FOXJ3: variants seen among roughly 807,000 people sequenced by gnomAD.
FOXJ3 encodes forkhead box J3.
A neutral mutation model predicts 76.1 loss-of-function variants in FOXJ3; 22 were observed. The ratio of observed to expected loss-of-function variants is 0.29; its 90% confidence interval spans 0.21 to 0.41. The LOEUF is 0.41. Among genes scored for constraint, FOXJ3 ranks in the 10% least tolerant of loss-of-function variants. The probability of loss-of-function intolerance (pLI) is 1.00; values close to 1 mark genes in which losing one functional copy is unlikely to be tolerated. For missense variants in FOXJ3, 613 were observed against 762.1 expected (o/e 0.80, Z 2.30); for synonymous variants, 269 against 261.2 (o/e 1.03, Z -0.29).
At chr1:42,317,980 T>G (rs1655221308) in intron 1 of FOXJ3, among the ~76,000 whole-genome samples, 1 of 152,232 alleles carries the variant, frequency 6.6e-6, no homozygotes, top group African/African-American at 2.4e-5. Flanking sequence ...CTCTGTTATA[T>G]TCCCAAAACC....
intron 1 of FOXJ3, among the ~76,000 whole-genome samples, chr1:42,330,458 C>T (rs1174335132): frequency 3.9e-5 from 6 of 151,988 alleles, no homozygotes; most frequent in African/African-American, 4.8e-5. Context: ...GGCAACATAG[C>T]GAAACCACTT....
intron 2 of FOXJ3, among the ~76,000 whole-genome samples, chr1:42,304,152 T>C (rs182983451): frequency 6.6e-6 from 1 of 151,884 alleles, no homozygotes; most frequent in Admixed American, 6.6e-5. Context: ...GTAATCTCAT[T>C]TACAATAGGT....
At chr1:42,238,677 G>T (rs1053440743) in intron 4 of FOXJ3, among the ~76,000 whole-genome samples, 3 of 152,090 alleles carry the variant, frequency 2.0e-5, no homozygotes, top group Non-Finnish European at 4.4e-5. Context: ...TCCCACCTCA[G>T]CCTCCCACGT....
Position 42,188,780 on chromosome 1 carries a change from A to C in FOXJ3, c.1602T>G (p.His534Gln). 1 of 1,611,590 alleles carries C rather than the reference A, an allele frequency of 6.2e-7. No individual in the cohort carries two copies. Among genetic ancestry groups the C allele is most frequent in the South Asian group, 1.1e-5 (1 of 90,724 alleles). ...AAGGTTTTGTTGGATGCATGGCACC[A>C]TGACAAACATTTTGTTGAACATTAC... Reference protein sequence around the residue: ...SQSNVQQNVCHGAMHPTKPSQ... With the variant: ...SQSNVQQNVCQGAMHPTKPSQ... Residue 534 changes from histidine (H) to glutamine (Q), a missense_variant, in exon 11 of 13, where the codon CAT becomes CAG. By Grantham distance (24) the His-to-Gln change is conservative. Around this residue, in one of 3 missense-constraint regions of FOXJ3, gnomAD observed 526 missense variants for 601.4 expected, o/e 0.87. Transcript: ENST00000361346.
At chr1:42,239,134 G>A (rs898789885) in intron 4 of FOXJ3, among the ~76,000 whole-genome samples, 2 of 152,078 alleles carry the variant, frequency 1.3e-5, no homozygotes, top group African/African-American at 2.4e-5. Context: ...CTGTAACCTT[G>A]CTAAACTCAC....
intron 4 of FOXJ3, among the ~76,000 whole-genome samples, chr1:42,244,455 T>C (rs935528899): frequency 1.3e-5 from 2 of 152,148 alleles, no homozygotes; most frequent in South Asian, 4.1e-4. Context: ...AGTTCATGGC[T>C]GCAATGAGCT....
intron 2 of FOXJ3, among the ~76,000 whole-genome samples, chr1:42,284,161 CAT>C (rs1423651952): frequency 6.6e-6 from 1 of 152,106 alleles, no homozygotes; most frequent in Non-Finnish European, 1.5e-5. Context: ...TAGTTCCTAA[CAT>C]AGAGAATTTA....
chr1:42,190,847 A>G (rs1239154336), intron 9 of FOXJ3, among the ~76,000 whole-genome samples: 1 of 152,236 alleles, frequency 6.6e-6, no homozygotes, highest in Non-Finnish European at 1.5e-5. Flanking sequence ...CTACCCACTT[A>G]GCAAATGTCT....
At chr1:42,197,463 T>G (rs555601947) in intron 7 of FOXJ3, among the ~76,000 whole-genome samples, 3 of 152,140 alleles carry the variant, frequency 2.0e-5, no homozygotes, top group Non-Finnish European at 4.4e-5. Flanking sequence ...CCATAATGTA[T>G]CTAGATACAG....
intron 3 of FOXJ3, among the ~76,000 whole-genome samples, chr1:42,276,568 T>C (rs1284614169): frequency 2.0e-5 from 3 of 152,182 alleles, no homozygotes; most frequent in Non-Finnish European, 4.4e-5. Flanking sequence ...CATTTCGTTA[T>C]AATGTTGATG....
At chr1:42,229,373 G>C (rs939776298) in intron 4 of FOXJ3, among the ~76,000 whole-genome samples, 1 of 152,100 alleles carries the variant, frequency 6.6e-6, no homozygotes, top group Non-Finnish European at 1.5e-5. Flanking sequence ...CACAATGTCA[G>C]ACACAAAGCA....
At chr1:42,195,734 C>T (rs552886114) in intron 7 of FOXJ3, among the ~76,000 whole-genome samples, 2 of 152,324 alleles carry the variant, frequency 1.3e-5, no homozygotes, top group East Asian at 1.9e-4. Flanking sequence ...TAGAAACTTA[C>T]GCAGCCATTA....
chr1:42,286,060 A>G (rs7535447), intron 2 of FOXJ3, among the ~76,000 whole-genome samples: 114,995 of 152,106 alleles, frequency 0.76, 43,545 homozygotes, highest in Admixed American at 0.81. Context: ...ATTAGATATA[A>G]GAAGAAAAGT....
Position 42,199,165 on chromosome 1 carries a change from G to C in FOXJ3, c.696C>G (p.Leu232=), listed in dbSNP as rs1230628064. The C allele has an allele frequency of 1.2e-6, 2 of 1,613,072 alleles. No homozygotes were observed. Among genetic ancestry groups the C allele is most frequent in the African/African-American group, 2.7e-5 (2 of 75,016 alleles). Reference sequence around the variant, plus strand: ...TAACAGATGCCAAACTCTGGTCTGAGAGACTGTTGTTAAGGCTACTGCGTG... The same window carrying C: ...TAACAGATGCCAAACTCTGGTCTGACAGACTGTTGTTAAGGCTACTGCGTG... The part of the protein sequence containing the change: ...DSPRSSLNNS[L]SDQSLASVNL... The change falls in exon 7 of 13, where the codon CTC becomes CTG. Residue 232 remains leucine, a synonymous_variant. Coordinates refer to ENST00000361346, the MANE Select transcript of FOXJ3 (RefSeq NM_014947.5).
intron 4 of FOXJ3, among the ~76,000 whole-genome samples, chr1:42,263,787 C>T (rs1032841732): frequency 2.0e-5 from 3 of 152,106 alleles, no homozygotes; most frequent in Non-Finnish European, 4.4e-5. Context: ...GGTGTCTCCT[C>T]AGTGCCATCA....
intron 4 of FOXJ3, among the ~76,000 whole-genome samples, chr1:42,252,305 G>C (rs1398687533): frequency 6.6e-6 from 1 of 152,182 alleles, no homozygotes; most frequent in East Asian, 1.9e-4. Context: ...TTCAGATCCT[G>C]TTATTGGTCT....
At chr1:42,275,043 G>C (rs1299771186) in intron 3 of FOXJ3, among the ~76,000 whole-genome samples, 1 of 152,156 alleles carries the variant, frequency 6.6e-6, no homozygotes, top group Non-Finnish European at 1.5e-5. Flanking sequence ...GGTAGATTGG[G>C]ACCAAGATTC....
At chr1:42,200,095 C>G (rs1019055544) in intron 6 of FOXJ3, among the ~76,000 whole-genome samples, 11 of 150,952 alleles carry the variant, frequency 7.3e-5, no homozygotes, top group Admixed American at 7.3e-4. Flanking sequence ...CTCATGGACT[C>G]TCTACAAAGG....
At chr1:42,183,776 C>A (rs1646378894) in intron 11 of FOXJ3, among the ~76,000 whole-genome samples, 1 of 152,068 alleles carries the variant, frequency 6.6e-6, no homozygotes, top group African/African-American at 2.4e-5. Context: ...AGTCTTTACC[C>A]TCCAGTGGAA....
Sources: allele counts gnomAD v4.1 joint callset (sites outside exome capture counted in the v4.1 genomes callset), GRCh38; gene constraint gnomAD v4.1.1; regional missense constraint gnomAD v4.1.1; transcripts MANE v1.5; gene names NCBI Gene and HGNC (gene_info 2026-07-23, HGNC 2026-07-21).